The following IDUA variants were observed in gnomAD, a reference collection of about 807,000 sequenced individuals.
The protein encoded by IDUA is iduronidase alpha-L-.
In IDUA, 65 loss-of-function variants were observed where a neutral mutation model predicts 68.9. The ratio of observed to expected loss-of-function variants is 0.94; its 90% confidence interval spans 0.77 to 1.16. The LOEUF (loss-of-function observed/expected upper bound fraction) is 1.16. Among genes scored for constraint, IDUA ranks in the 50% most tolerant of loss-of-function variants. The pLI is 0.00. For synonymous variants in IDUA, 529 were observed against 433.6 expected, an observed-to-expected ratio of 1.22 and a Z score of -2.73; for missense variants, 1,046 against 938.0, an observed-to-expected ratio of 1.12 and a Z score of -1.50.
At position 1,003,986 on chromosome 4, in the gene IDUA, C is replaced by T. The variant is rs780949772; in HGVS notation, c.1728-26C>T. The T allele has an allele frequency of 3.8e-6, 6 of 1,578,802 alleles. No homozygotes were observed. In the South Asian group the frequency reaches 4.4e-5, roughly 12 times the overall value. ...CCTTTGAGGACTGTCTTGACCCCAG[C>T]CTTGTTCTTGGCCTGACCTCCCCAG... On this transcript the variant is annotated intron_variant, in intron 12 of 13. Transcript: ENST00000514224.
intron 2 of IDUA, chr4:990,370 C>A (rs1157770723): frequency 6.3e-7 from 1 of 1,586,358 alleles, no homozygotes; most frequent in Admixed American, 1.8e-5. Flanking sequence ...GACCTGTGGA[C>A]GGAGTGCGGT....
chr4:996,589 A>G (rs904841611), intron 2 of IDUA, among the ~76,000 whole-genome samples: 2 of 152,150 alleles, frequency 1.3e-5, no homozygotes, highest in Admixed American at 1.3e-4. Context: ...CCTCAGCCGC[A>G]CTGCAGGGGC....
intron 2 of IDUA, chr4:991,160 TGGC>T (rs1560537569): frequency 6.4e-7 from 1 of 1,560,046 alleles, no homozygotes; most frequent in East Asian, 2.3e-5. Flanking sequence ...GTGAGGGCGG[TGGC>T]GACACGGATG....
chr4:994,950 A>T (rs1037118716), intron 2 of IDUA, among the ~76,000 whole-genome samples: 1 of 152,086 alleles, frequency 6.6e-6, no homozygotes, highest in African/African-American at 2.4e-5. Flanking sequence ...TCATTGGCCC[A>T]GCACTTTGGG....
intron 12 of IDUA, 105 bp downstream of exon 12, chr4:1,003,730 G>A (rs986867977): frequency 5.4e-6 from 7 of 1,305,758 alleles, no homozygotes; most frequent in South Asian, 4.8e-5. Context: ...GTGGCCCATC[G>A]GCTCCCTCCC....
In IDUA at chr4:1,001,888, C is replaced by G; in HGVS notation, c.792+7C>G. 3.8e-6 allele frequency: 6 copies of G among 1,575,200 alleles called. No homozygotes were observed. Among genetic ancestry groups the G allele is most frequent in the Non-Finnish European group, 5.2e-6 (6 of 1,162,142 alleles). On this transcript the variant is annotated splice_region_variant and intron_variant, in intron 6 of 13. Transcript: ENST00000514224. ...CATCTCCCTCCACAGGAAGGTGCGCCCTGCCCCTCCGTCCGCCCCGGTGTT... is the reference window on the plus strand; with the variant it reads ...CATCTCCCTCCACAGGAAGGTGCGCGCTGCCCCTCCGTCCGCCCCGGTGTT...
chr4:996,317 G>C (rs1260735771), intron 2 of IDUA, among the ~76,000 whole-genome samples: 1 of 152,226 alleles, frequency 6.6e-6, no homozygotes, highest in Admixed American at 6.5e-5. Context: ...TTGGAGAACT[G>C]GGGAGACCCA....
In IDUA at chr4:1,003,564, G is replaced by A. The variant is rs771540729; in HGVS notation, c.1666G>A (p.Ala556Thr). ...KPPGQVTRLR[A>T]LPLTQGQLVL... Reference sequence around the variant, plus strand: ...CCTCCCCCAGGTCACGCGGCTCCGCGCCCTGCCCCTGACCCAAGGGCAGCT... The same window carrying A: ...CCTCCCCCAGGTCACGCGGCTCCGCACCCTGCCCCTGACCCAAGGGCAGCT... Residue 556 changes from alanine to threonine, a missense_variant, in exon 12 of 14, where the codon GCC becomes ACC. Coordinates refer to ENST00000514224, the MANE Select transcript of IDUA (RefSeq NM_000203.5). 2 of 1,611,900 alleles carry A rather than the reference G, an allele frequency of 1.2e-6. No homozygotes were observed. Among genetic ancestry groups the A allele is most frequent in the African/African-American group, 2.7e-5 (2 of 74,870 alleles).
rs538533905 is a variant in IDUA at position 987,803 on chromosome 4, C to T, written c.159-6C>T. The T allele has an allele frequency of 1.2e-6, 2 of 1,612,068 alleles. No individual in the cohort carries two copies. The highest frequency in any genetic ancestry group is 1.3e-5 in the African/African-American group (1 of 75,034). On this transcript the variant is annotated splice_region_variant and splice_polypyrimidine_tract_variant and intron_variant, in intron 1 of 13. Coordinates refer to ENST00000514224, the MANE Select transcript of IDUA (RefSeq NM_000203.5). ...CGGGACTGAGCCGCCCCTTTGTTGT[C>T]CCCAGCCCCCCGCTGCCACACAGCC...
chr4:991,804 C>T (rs550523285), intron 2 of IDUA: 142 of 1,531,780 alleles, frequency 9.3e-5, no homozygotes, highest in East Asian at 2.5e-4. Flanking sequence ...CCGGCAGCAA[C>T]GGGCCCCTTG....
intron 2 of IDUA, chr4:990,119 G>A (rs1425155397): frequency 1.3e-6 from 2 of 1,578,616 alleles, no homozygotes; most frequent in East Asian, 4.6e-5. Context: ...GCGGCTAGCA[G>A]CACCGCCAGG....
intron 2 of IDUA, 200 bp downstream of exon 2, chr4:988,149 C>A (rs1166288242): frequency 1.6e-5 from 23 of 1,402,456 alleles, no homozygotes; most frequent in Non-Finnish European, 1.9e-5. Context: ...GCACGGTGGG[C>A]TTCCTGCAGG....
intron 8 of IDUA, 35 bp downstream of exon 8, chr4:1,002,520 C>T (rs1254099678): frequency 2.7e-6 from 4 of 1,457,852 alleles, no homozygotes; most frequent in East Asian, 2.7e-5. Flanking sequence ...CCGGCCAGGG[C>T]CCTCCAGGCT....
At chr4:1,002,615 G>C in intron 8 of IDUA, 117 bp from the exon 9 acceptor site, 1 of 1,149,884 alleles carries the variant, frequency 8.7e-7, no homozygotes, top group Non-Finnish European at 1.2e-6. Flanking sequence ...CCGCGTGGCG[G>C]GGCCTGGGGA....
chr4:1,003,085 C>A lies in IDUA; in HGVS notation c.1452C>A (p.Asp484Glu), dbSNP rs4690224. 149 of 1,519,952 alleles carry A rather than the reference C, an allele frequency of 9.8e-5. No individual in the cohort carries two copies. The East Asian group carries it at 3.9e-3, about 40-fold the overall frequency. 94.2% of individuals were successfully genotyped at this position (1,519,952 alleles called of 1,614,324 possible). Reference sequence around the variant, plus strand: ...TGGACAACGGGCTCTGCAGCCCCGACGGCGAGTGGCGGCGCCTGGGCCGGC... The same window carrying A: ...TGGACAACGGGCTCTGCAGCCCCGAAGGCGAGTGGCGGCGCCTGGGCCGGC... ...RYLDNGLCSP[D>E]GEWRRLGRPV... The change falls in exon 10 of 14, where the codon GAC becomes GAA. Residue 484 changes from aspartate to glutamate, a missense_variant. Transcript: ENST00000514224.
At position 991,080 on chromosome 4, in the gene IDUA, A is replaced by AG. The variant is rs34164224; in HGVS notation, c.299+3138dup. 8.6e-4 allele frequency: 1,296 copies of AG among 1,500,068 alleles called. 10 individuals carry two copies. In the African/African-American group the frequency reaches 0.015, roughly 17 times the overall value. The allele number at this position is 1,500,068 out of a possible 1,614,324, so 92.9% of individuals were successfully genotyped here. On this transcript the variant is annotated intron_variant, in intron 2 of 13. Coordinates refer to ENST00000514224, the MANE Select transcript of IDUA (RefSeq NM_000203.5). ...TGCCCTCGTGGATGGCCAAAACCTA[A>AG]GGGGGGGTGCCCTGGGCCCCTCCCT... is the stretch of plus-strand genomic sequence containing the variant.
chr4:994,063 A>G (rs898879813), intron 2 of IDUA, among the ~76,000 whole-genome samples: 4 of 152,218 alleles, frequency 2.6e-5, no homozygotes, highest in African/African-American at 9.6e-5. Context: ...TGCCTGCCTC[A>G]TAGGGCTGGG....
chr4:998,013 G>C (rs1378000294), intron 2 of IDUA, among the ~76,000 whole-genome samples: 1 of 152,228 alleles, frequency 6.6e-6, no homozygotes, highest in Non-Finnish European at 1.5e-5. Flanking sequence ...ACCGTGCCCC[G>C]CTACTCCAAC....
chr4:992,178 G>A (rs757086072), intron 2 of IDUA: 1 of 462,596 alleles, frequency 2.2e-6, no homozygotes, highest in South Asian at 1.5e-5. Context: ...CTGGACACAG[G>A]TGCAGGCAAG....
Sources: allele counts gnomAD v4.1 joint callset (sites outside exome capture counted in the v4.1 genomes callset), GRCh38; gene constraint gnomAD v4.1.1; transcripts MANE v1.5; gene names NCBI Gene and HGNC (gene_info 2026-07-23, HGNC 2026-07-21).